CERS1: variants seen among roughly 807,000 people sequenced by gnomAD.
The protein encoded by CERS1 is Embryonic growth/differentiation factor 1.
Under a neutral mutation model 35.7 loss-of-function variants are expected in CERS1, and 16 were observed. The observed-to-expected ratio is 0.45, with a 90% CI of 0.30 to 0.68. The LOEUF is 0.68. Among genes scored for constraint, CERS1 ranks in the 30% least tolerant of loss-of-function variants. The probability of loss-of-function intolerance (pLI) is 0.08; values close to 1 mark genes in which losing one functional copy is unlikely to be tolerated. For synonymous variants in CERS1, 243 were observed against 201.6 expected (o/e 1.21, Z -1.74); for missense variants, 454 against 453.9 (o/e 1.00, Z 0.00).
At chr19:18,881,364 G>C (rs930822665) in intron 3 of CERS1, among the ~76,000 whole-genome samples, 2 of 151,902 alleles carry the variant, frequency 1.3e-5, no homozygotes, top group African/African-American at 4.8e-5. Flanking sequence ...GGCATTACAG[G>C]TATGTGCCAC....
intron 2 of CERS1, among the ~76,000 whole-genome samples, chr19:18,890,215 G>A (rs1206724343): frequency 2.0e-5 from 3 of 151,962 alleles, no homozygotes; most frequent in East Asian, 1.9e-4. Context: ...CCTTAAGTGG[G>A]GCCACCCCTG....
intron 2 of CERS1, among the ~76,000 whole-genome samples, chr19:18,891,800 T>C (rs1044239111): frequency 6.6e-6 from 1 of 151,862 alleles, no homozygotes; most frequent in Non-Finnish European, 1.5e-5. Context: ...TGAACTCCTG[T>C]GCTCAAGTAA....
chr19:18,880,674 C>T (rs1375002687), intron 3 of CERS1, among the ~76,000 whole-genome samples: 1 of 151,926 alleles, frequency 6.6e-6, no homozygotes, highest in East Asian at 1.9e-4. Flanking sequence ...CCTCAGTGTC[C>T]CCATGTGGCC....
intron 4 of CERS1, 115 bp downstream of exon 4, chr19:18,880,159 C>T: frequency 9.1e-7 from 1 of 1,097,424 alleles, no homozygotes; most frequent in African/African-American, 1.6e-5. Context: ...TGTCATGCCA[C>T]ACACCCACCT....
At position 18,869,179 on chromosome 19, in the gene CERS1, C is replaced by T. The variant is rs1060504781; in HGVS notation, c.*806G>A. ...GCACCAACTGGCGGAGCAGCACCGG[C>T]CCGGGGTCCGCGCCCGCGCCCTGGC... On this transcript the variant is annotated 3_prime_UTR_variant, in exon 8 of 8. Coordinates refer to ENST00000623882, the MANE Select transcript of CERS1 (RefSeq NM_021267.5). 2.8e-5 allele frequency: 33 copies of T among 1,161,942 alleles called. No homozygotes were observed. Among genetic ancestry groups the T allele is most frequent in the African/African-American group, 3.3e-5 (2 of 60,706 alleles). The allele number at this position is 1,161,942 out of a possible 1,614,324, so 72.0% of individuals were successfully genotyped here.
intron 2 of CERS1, among the ~76,000 whole-genome samples, chr19:18,887,804 A>G (rs2056397731): frequency 6.6e-6 from 1 of 151,724 alleles, no homozygotes; most frequent in Non-Finnish European, 1.5e-5. Flanking sequence ...CATCTAAGCC[A>G]TTTGTTAAGT....
intron 3 of CERS1, among the ~76,000 whole-genome samples, chr19:18,881,074 G>A (rs1298821405): frequency 5.3e-5 from 8 of 151,960 alleles, no homozygotes; most frequent in East Asian, 1.9e-4. Flanking sequence ...CACAGGCCTG[G>A]GGTACTCTGT....
intron 6 of CERS1, among the ~76,000 whole-genome samples, chr19:18,877,552 G>A (rs1268686687): frequency 1.3e-5 from 2 of 152,082 alleles, no homozygotes; most frequent in Admixed American, 1.3e-4. Context: ...AGGTGTTTGA[G>A]ACCAGCCTGA....
intron 3 of CERS1, among the ~76,000 whole-genome samples, chr19:18,883,842 G>C (rs2056277484): frequency 1.3e-5 from 2 of 152,112 alleles, no homozygotes; most frequent in Admixed American, 1.3e-4. Context: ...ATGGCTCTCT[G>C]GGCCTGTTTC....
At chr19:18,873,068 T>C (rs2056002835) in intron 6 of CERS1, among the ~76,000 whole-genome samples, 1 of 151,706 alleles carries the variant, frequency 6.6e-6, no homozygotes, top group South Asian at 2.1e-4. Context: ...TGTTTCTTCA[T>C]AGATGAGGAG....
intron 7 of CERS1, among the ~76,000 whole-genome samples, chr19:18,869,591 G>T (rs1411725453): frequency 6.6e-6 from 1 of 151,166 alleles, no homozygotes; most frequent in East Asian, 2.0e-4. Context: ...TGCGGCGGGG[G>T]GGGTGGGCTG....
chr19:18,875,608 C>G (rs2056046879), intron 6 of CERS1, among the ~76,000 whole-genome samples: 1 of 151,958 alleles, frequency 6.6e-6, no homozygotes, highest in Non-Finnish European at 1.5e-5. Flanking sequence ...GGAATCCTCT[C>G]TCTGCTGTGG....
rs2056606016 is a variant in CERS1, at chr19:18,895,591, C to A, written c.249+233G>T. On this transcript the variant is annotated intron_variant, in intron 1 of 7. Coordinates refer to ENST00000623882, the MANE Select transcript of CERS1 (RefSeq NM_021267.5). This position sits in a 1 kb window ranked among gnomAD's most constrained non-coding sequence, Gnocchi z 6.4. ...GCCCGGCCACACCCCCGCATCTACC[C>A]GGTTCCCCCACGCAGCACTGTCTGA... Among the ~76,000 whole-genome samples the A allele has an allele frequency of 6.6e-6, 1 of 151,968 alleles. No homozygotes were observed. Among genetic ancestry groups the A allele is most frequent in the South Asian group, 2.1e-4 (1 of 4,818 alleles).
upstream of CERS1, chr19:18,896,555 C>G (rs1163270961): frequency 6.5e-6 from 1 of 153,186 alleles, no homozygotes; most frequent in Non-Finnish European, 1.5e-5. The surrounding 1 kb of genome is among the most constrained non-coding windows in gnomAD (Gnocchi z 5.9). Context: ...CCCGCTCCGA[C>G]CTCACCGTTC....
intron 3 of CERS1, chr19:18,882,217 G>C (rs531210251): frequency 1.9e-5 from 3 of 154,440 alleles, no homozygotes; most frequent in South Asian, 2.0e-4. Context: ...GAACTTTCTA[G>C]AACTATGGGA....
intron 6 of CERS1, among the ~76,000 whole-genome samples, chr19:18,871,625 C>G (rs2055972929): frequency 6.6e-6 from 1 of 152,202 alleles, no homozygotes; most frequent in Admixed American, 6.5e-5. Flanking sequence ...CTCAAGCAGT[C>G]AGCCCTCCTC....
rs2056110764 is a variant in CERS1, at chr19:18,878,638, C to G, written c.1010+292G>C. ...ACCCACAGGGCCCTGGCTCGCCACT[C>G]CCGCCACACCAGCCACTAGGCCTGG... On this transcript the variant is annotated intron_variant, in intron 6 of 7. Coordinates refer to ENST00000623882, the MANE Select transcript of CERS1 (RefSeq NM_021267.5). The surrounding 1 kb of genome is among the most constrained non-coding windows in gnomAD (Gnocchi z 4.6). 2.4e-6 allele frequency: 3 copies of G among 1,226,754 alleles called. No homozygotes were observed. The highest frequency in any genetic ancestry group is 1.0e-6 in the Non-Finnish European group (1 of 972,958). 76.0% of individuals were successfully genotyped at this position (1,226,754 alleles called of 1,614,324 possible).
At chr19:18,889,480 A>G (rs2056441835) in intron 2 of CERS1, among the ~76,000 whole-genome samples, 1 of 152,088 alleles carries the variant, frequency 6.6e-6, no homozygotes, top group African/African-American at 2.4e-5. Flanking sequence ...GTAGTGGTGC[A>G]ATCTTGGCTC....
At chr19:18,879,471 C>T in intron 4 of CERS1, 83 bp from the exon 5 acceptor site, 5 of 1,470,712 alleles carry the variant, frequency 3.4e-6, no homozygotes, top group Non-Finnish European at 4.6e-6. Flanking sequence ...CCTAGACCCA[C>T]CCTTGCCCCC....
Sources: gnomAD v4.1 joint callset for allele counts (sites outside exome capture counted in the v4.1 genomes callset) on GRCh38, gnomAD v4.1.1 for gene constraint, Gnocchi (gnomAD v3.1) non-coding constraint, MANE v1.5 for transcripts, NCBI Gene and HGNC (gene_info 2026-07-23, HGNC 2026-07-21) for gene names.